Variants in SMOC1 observed in about 807,000 individuals in gnomAD.
SMOC1 encodes the protein SPARC-related modular calcium-binding protein 1.
In SMOC1, 22 loss-of-function variants were observed where a neutral mutation model predicts 56.3. The observed-to-expected ratio is 0.39, with a 90% confidence interval of 0.28 to 0.56. The LOEUF is 0.56. Among genes scored for constraint, SMOC1 ranks in the 20% least tolerant of loss-of-function variants. The pLI is 0.61. For synonymous variants in SMOC1, 193 were observed against 215.0 expected (o/e 0.90, Z 0.89); for missense variants, 509 against 565.4 (o/e 0.90, Z 1.01).
At chr14:69,991,108 G>A (rs544645990) in intron 5 of SMOC1, among the ~76,000 whole-genome samples, 2 of 152,274 alleles carry the variant, frequency 1.3e-5, no homozygotes, top group South Asian at 2.1e-4. Context: ...TCTGACTGGC[G>A]TCACAGAGAC....
At chr14:69,974,671 G>A (rs79055491) in intron 3 of SMOC1, among the ~76,000 whole-genome samples, 12,974 of 152,098 alleles carry the variant, frequency 0.085, 703 homozygotes, top group African/African-American at 0.15. Flanking sequence ...GGATAGTGGG[G>A]TGGGGCGGGA....
At chr14:69,895,357 A>G (rs1952202) in intron 1 of SMOC1, among the ~76,000 whole-genome samples, 103,476 of 152,154 alleles carry the variant, frequency 0.68, 39,941 homozygotes, top group East Asian at 0.91. Flanking sequence ...CTGTTTGAAG[A>G]AGTAAAGGTA....
intron 3 of SMOC1, among the ~76,000 whole-genome samples, chr14:69,967,182 T>C (rs1883606032): frequency 6.6e-6 from 1 of 152,230 alleles, no homozygotes; most frequent in Non-Finnish European, 1.5e-5. Flanking sequence ...TTTAGGAGGA[T>C]TTGAAATTGA....
At chr14:69,978,038 T>C (rs371754592) in intron 5 of SMOC1, 73 bp downstream of exon 5, 7 of 1,217,440 alleles carry the variant, frequency 5.7e-6, no homozygotes, top group Middle Eastern at 1.9e-4. Context: ...TTAGATGAGA[T>C]AGAAGGAGCC....
chr14:70,030,202 C>CA, intron 11 of SMOC1, 40 bp from the exon 12 acceptor site: 1 of 1,283,184 alleles, frequency 7.8e-7, no homozygotes, highest in African/African-American at 1.7e-5. Context: ...TGCCCCCGAC[C>CA]TTTTTTTTTT....
At chr14:69,898,915 C>A (rs1225172416) in intron 1 of SMOC1, among the ~76,000 whole-genome samples, 3 of 151,958 alleles carry the variant, frequency 2.0e-5, no homozygotes, top group Non-Finnish European at 4.4e-5. Flanking sequence ...GTAAATAGGC[C>A]TTTAGTGATG....
chr14:69,982,441 A>G (rs1013485072), intron 5 of SMOC1, among the ~76,000 whole-genome samples: 1 of 152,206 alleles, frequency 6.6e-6, no homozygotes, highest in Non-Finnish European at 1.5e-5. Context: ...GGTTGTTGCC[A>G]ACTTGGAGAC....
chr14:69,935,436 T>C (rs1031518845), intron 1 of SMOC1, among the ~76,000 whole-genome samples: 7 of 152,226 alleles, frequency 4.6e-5, no homozygotes, highest in Admixed American at 4.6e-4. Context: ...TGGAGGCCGA[T>C]CAGAAGGCAG....
intron 1 of SMOC1, among the ~76,000 whole-genome samples, chr14:69,931,536 T>G (rs1010560745): frequency 3.3e-5 from 5 of 152,256 alleles, no homozygotes; most frequent in African/African-American, 7.2e-5. Flanking sequence ...GGGTCAAGCC[T>G]CTAATGAGCA....
rs186773298 is a variant in SMOC1, at chr14:69,996,684, G to A, written c.664+2204G>A. On this transcript the variant is annotated intron_variant, in intron 7 of 11. Transcript: ENST00000361956. ...GGCTGACCCCAGTTATATCTGTAAG[G>A]TTCGTGTATATGACAGGATAGTTGG... Among the ~76,000 whole-genome samples, 115 of 152,302 alleles carry A rather than the reference G, an allele frequency of 7.6e-4. 1 individual carries two copies. The highest frequency in any genetic ancestry group is 2.6e-3 in the African/African-American group (108 of 41,562).
chr14:69,979,487 G>A (rs1232821327), intron 5 of SMOC1, among the ~76,000 whole-genome samples: 1 of 152,186 alleles, frequency 6.6e-6, no homozygotes, highest in Non-Finnish European at 1.5e-5. Context: ...CCTCCTAGGT[G>A]GGAAAGTGGG....
chr14:69,961,777 G>A (rs1389994689), intron 3 of SMOC1, among the ~76,000 whole-genome samples: 1 of 152,190 alleles, frequency 6.6e-6, no homozygotes, highest in East Asian at 1.9e-4. Context: ...ATACCTAGGA[G>A]TAGAATTGCT....
chr14:70,021,621 G>A (rs1200721336), intron 10 of SMOC1, among the ~76,000 whole-genome samples: 1 of 152,074 alleles, frequency 6.6e-6, no homozygotes, highest in Non-Finnish European at 1.5e-5. Flanking sequence ...GCATCCTCCT[G>A]GAATCAGTCC....
chr14:69,903,951 G>A (rs1884338684), intron 1 of SMOC1, among the ~76,000 whole-genome samples: 1 of 151,834 alleles, frequency 6.6e-6, no homozygotes, highest in African/African-American at 2.4e-5. Context: ...GAGGAGGAGA[G>A]GTCACGTGGA....
chr14:69,996,790 A>G (rs905910883), intron 7 of SMOC1, among the ~76,000 whole-genome samples: 4 of 152,204 alleles, frequency 2.6e-5, no homozygotes, highest in African/African-American at 9.6e-5. Flanking sequence ...CTCCTACTCA[A>G]CTGAGACTTT....
intron 1 of SMOC1, among the ~76,000 whole-genome samples, chr14:69,930,860 G>A (rs752359130): frequency 6.6e-6 from 1 of 152,198 alleles, no homozygotes; most frequent in African/African-American, 2.4e-5. Flanking sequence ...CAGAGATGGC[G>A]ACAGCTGCTT....
At chr14:70,003,910 T>A (rs1885060431) in intron 7 of SMOC1, among the ~76,000 whole-genome samples, 1 of 152,164 alleles carries the variant, frequency 6.6e-6, no homozygotes, top group South Asian at 2.1e-4. Context: ...CCAGTACATA[T>A]ACAACCAGTA....
intron 1 of SMOC1, among the ~76,000 whole-genome samples, chr14:69,902,660 A>G (rs929664016): frequency 1.3e-5 from 2 of 152,082 alleles, no homozygotes; most frequent in African/African-American, 4.8e-5. Context: ...TCTCCCTCTG[A>G]TGCCGAGCCG....
chr14:69,885,641 A>C (rs1016033623), intron 1 of SMOC1: 2 of 1,458,794 alleles, frequency 1.4e-6, no homozygotes, highest in African/African-American at 2.8e-5. Context: ...CAAGAAGACA[A>C]CCAGCTCGAT....
Sources: gnomAD v4.1 joint callset for allele counts (sites outside exome capture counted in the v4.1 genomes callset) on GRCh38, gnomAD v4.1.1 for gene constraint, MANE v1.5 for transcripts, NCBI Gene and HGNC (gene_info 2026-07-23, HGNC 2026-07-21) for gene names.